The following USP47 variants were observed in gnomAD, a reference collection of about 807,000 sequenced individuals.
USP47 encodes the protein ubiquitin specific peptidase 47, also known as ubiquitin carboxyl-terminal hydrolase 47.
A neutral mutation model predicts 165.1 loss-of-function variants in USP47; 35 were observed. The observed-to-expected ratio is 0.21, with a 90% CI of 0.16 to 0.28. The LOEUF is 0.28. USP47 is among the 10% of genes least tolerant of loss of function. The probability of loss-of-function intolerance (pLI) is 1.00; values close to 1 mark genes in which losing one functional copy is unlikely to be tolerated. For synonymous variants in USP47, 531 were observed against 544.5 expected (o/e 0.98, Z 0.35); for missense variants, 1,277 against 1,607.4 (o/e 0.79, Z 3.52).
chr11:11,883,112 A>G (rs1042956008), intron 2 of USP47, among the ~76,000 whole-genome samples: 8 of 152,130 alleles, frequency 5.3e-5, no homozygotes, highest in Non-Finnish European at 1.2e-4. Flanking sequence ...ACCCCTGTGT[A>G]TTTCAGCTGT....
chr11:11,858,954 G>A (rs73411072), intron 1 of USP47, among the ~76,000 whole-genome samples: 5,358 of 152,230 alleles, frequency 0.035, 305 homozygotes, highest in African/African-American at 0.12. Flanking sequence ...TGGCTGTACC[G>A]TTTGTGCATT....
intron 1 of USP47, among the ~76,000 whole-genome samples, chr11:11,859,333 G>A (rs962250967): frequency 1.3e-5 from 2 of 152,272 alleles, no homozygotes; most frequent in Non-Finnish European, 2.9e-5. Context: ...CTTTGAGAAA[G>A]GGATTTACGT....
At chr11:11,842,545 G>C (rs1265945365) in intron 1 of USP47, among the ~76,000 whole-genome samples, 1 of 152,214 alleles carries the variant, frequency 6.6e-6, no homozygotes, top group African/African-American at 2.4e-5. Flanking sequence ...AGCCGGGAGA[G>C]ATCATTTCAA....
rs537902888 is a variant in USP47, at chr11:11,925,119, T to G, written c.1386+2228T>G. Reference sequence around the variant, plus strand: ...TTTTTGTTTTAGTTTTTGGTTTTTTTTTTTTTGAGACGGAGTCTCGCTCTG... The same window carrying G: ...TTTTTGTTTTAGTTTTTGGTTTTTTGTTTTTTGAGACGGAGTCTCGCTCTG... On this transcript the variant is annotated intron_variant, in intron 11 of 27. Coordinates refer to ENST00000527733, the MANE Select transcript of USP47 (RefSeq NM_001282659.2). Among the ~76,000 whole-genome samples the G allele has an allele frequency of 1.2e-3, 186 of 151,924 alleles. 2 individuals are homozygous for G. The highest frequency in any genetic ancestry group is 2.2e-3 in the Non-Finnish European group (151 of 67,920).
At position 11,950,426 on chromosome 11, in the gene USP47, A is replaced by T; in HGVS notation, c.3527A>T (p.Tyr1176Phe). The change falls in exon 24 of 28, where the codon TAT (tyrosine) becomes TTT (phenylalanine). Residue 1176 changes from tyrosine to phenylalanine, a missense_variant. Transcript: ENST00000527733. ...ACTGTCTTTTTGGATTATCATATTT[A>T]TGAAGAAGATATTAATATTTCCAGC... ...PGTVFLDYHI[Y>F]EEDINISSNW... is the part of the protein sequence containing the mutation. 2.5e-6 allele frequency: 4 copies of T among 1,607,854 alleles called. No individual in the cohort carries two copies. Among genetic ancestry groups the T allele is most frequent in the Non-Finnish European group, 3.4e-6 (4 of 1,178,070 alleles).
Position 11,942,767 on chromosome 11 carries a change from G to A in USP47, c.2746G>A (p.Glu916Lys). 1 of 1,613,568 alleles carries A rather than the reference G, an allele frequency of 6.2e-7. No homozygotes were observed. Among genetic ancestry groups the A allele is most frequent in the Non-Finnish European group, 8.5e-7 (1 of 1,179,714 alleles). Residue 916 changes from glutamate (E) to lysine (K), a missense_variant, in exon 20 of 28, where the codon GAA becomes AAA. Coordinates refer to ENST00000527733, the MANE Select transcript of USP47 (RefSeq NM_001282659.2). ...LEQHIQTSDPENFQSEERSDS... is the reference protein window; with the variant it reads ...LEQHIQTSDPKNFQSEERSDS... Reference sequence around the variant, plus strand: ...ACAGCATATTCAGACTTCTGATCCAGAAAATTTTCAGTCTGAAGAACGATC... The same window carrying A: ...ACAGCATATTCAGACTTCTGATCCAAAAAATTTTCAGTCTGAAGAACGATC...
At chr11:11,893,580 G>T (rs1457143313) in intron 4 of USP47, among the ~76,000 whole-genome samples, 2 of 152,130 alleles carry the variant, frequency 1.3e-5, no homozygotes, top group African/African-American at 2.4e-5. Flanking sequence ...AGGACTACAG[G>T]TGTGCACCAC....
At position 11,960,050 on chromosome 11, in the gene USP47, G is replaced by A. The variant is rs12293870; in HGVS notation, c.*3875G>A. On this transcript the variant is annotated 3_prime_UTR_variant, in exon 28 of 28. Transcript: ENST00000527733. The stretch of plus-strand genomic sequence containing the variant: ...TGTGCCAATTGTTTTGTCAAATGCA[G>A]TTACCCACTGGGCAGTGGGCTTATC... Among the ~76,000 whole-genome samples the A allele has an allele frequency of 0.033, 5,021 of 152,224 alleles. 270 individuals are homozygous for A. The highest frequency in any genetic ancestry group is 0.11 in the African/African-American group (4,739 of 41,502).
intron 11 of USP47, among the ~76,000 whole-genome samples, chr11:11,927,961 A>G (rs1027359772): frequency 1.3e-5 from 2 of 152,072 alleles, no homozygotes; most frequent in Non-Finnish European, 2.9e-5. Flanking sequence ...AAATAGATAT[A>G]TACAATTCTA....
chr11:11,900,452 G>T (rs1034984959), intron 5 of USP47, among the ~76,000 whole-genome samples: 3 of 152,042 alleles, frequency 2.0e-5, no homozygotes, highest in Non-Finnish European at 4.4e-5. Flanking sequence ...GAGCCACCGC[G>T]CCCGGCCTAT....
rs78239946 is a variant in USP47 at position 11,880,551 on chromosome 11, C to A, written c.243+171C>A. 4.5e-3 allele frequency among the ~76,000 whole-genome samples: 683 copies of A among 152,182 alleles called. 5 individuals carry two copies. The highest frequency in any genetic ancestry group is 0.014 in the African/African-American group (587 of 41,528). On this transcript the variant is annotated intron_variant, in intron 2 of 27. Transcript: ENST00000527733. The stretch of plus-strand genomic sequence containing the variant: ...TGGATCCTTCTTCTTCCTTTGCCTC[C>A]ATTCTGGATTTAACATTTGCTCGTC...
chr11:11,857,069 AT>A (rs1386280959), intron 1 of USP47, among the ~76,000 whole-genome samples: 1 of 152,102 alleles, frequency 6.6e-6, no homozygotes, highest in East Asian at 1.9e-4. Context: ...AATAATATTT[AT>A]TTAATAAAAA....
chr11:11,917,896 A>G (rs980402160), intron 8 of USP47, among the ~76,000 whole-genome samples: 2 of 152,164 alleles, frequency 1.3e-5, no homozygotes, highest in African/African-American at 4.8e-5. Flanking sequence ...AAGTTGGTTC[A>G]GAAAGCAAAC....
At chr11:11,885,763 C>T (rs779237923) in intron 3 of USP47, among the ~76,000 whole-genome samples, 2 of 152,202 alleles carry the variant, frequency 1.3e-5, no homozygotes, top group Admixed American at 1.3e-4. Context: ...TTCCACAGCA[C>T]CTCACAAGCT....
Position 11,950,581 on chromosome 11 carries a change from A to C in USP47, c.3583+99A>C, listed in dbSNP as rs1021112555. 3 of 813,370 alleles carry C rather than the reference A, an allele frequency of 3.7e-6. No individual in the cohort carries two copies. In the African/African-American group the frequency reaches 5.3e-5, roughly 14 times the overall value. 50.4% of individuals were successfully genotyped at this position (813,370 alleles called of 1,614,324 possible). A position where few individuals can be genotyped will look rare whatever the true frequency, so the allele number is the denominator to read the frequency against. The stretch of plus-strand genomic sequence containing the variant: ...TCAAATAATGAGTTACGAGGAATCT[A>C]ATATACATTATAGTGTTTTGTGTTA... On this transcript the variant is annotated intron_variant, in intron 24 of 27. Transcript: ENST00000527733.
intron 1 of USP47, among the ~76,000 whole-genome samples, chr11:11,877,801 CTCTCTGTGTGTGTGTGTG>C (rs1181800389): frequency 2.4e-4 from 12 of 50,474 alleles, no homozygotes; most frequent in African/African-American, 6.9e-4. Flanking sequence ...CTCTCTCTCT[CTCTCTGTGTGTGTGTGTG>C]TGTGTGTGTG....
intron 1 of USP47, among the ~76,000 whole-genome samples, chr11:11,844,874 A>T (rs879844181): frequency 6.6e-6 from 1 of 152,146 alleles, no homozygotes; most frequent in Non-Finnish European, 1.5e-5. Context: ...TCAAGGACAA[A>T]TGTACCTTTA....
rs373857805 is a variant in USP47 at position 11,943,030 on chromosome 11, C to G, written c.3009C>G (p.Gly1003=). 1.2e-6 allele frequency: 2 copies of G among 1,613,368 alleles called. No homozygotes were observed. The highest frequency in any genetic ancestry group is 1.7e-6 in the Non-Finnish European group (2 of 1,179,586). Residue 1003 remains glycine (G), a synonymous_variant, in exon 20 of 28, where the codon GGC becomes GGG. Coordinates refer to ENST00000527733, the MANE Select transcript of USP47 (RefSeq NM_001282659.2). ...CTGATAGTGAATATGATGAGAGTGG[C>G]AAGAGTAGGGGAGAAATGCAGTACA... is the stretch of plus-strand genomic sequence containing the variant. ...SGTDSEYDES[G]KSRGEMQYMY...
intron 1 of USP47, among the ~76,000 whole-genome samples, chr11:11,846,861 AT>A (rs1271512586): frequency 1.3e-5 from 2 of 152,022 alleles, no homozygotes; most frequent in African/African-American, 4.8e-5. Context: ...GTCATTCTTG[AT>A]TTTAGTGATT....
Sources: gnomAD v4.1 joint callset for allele counts (sites outside exome capture counted in the v4.1 genomes callset) on GRCh38, gnomAD v4.1.1 for gene constraint, MANE v1.5 for transcripts, NCBI Gene and HGNC (gene_info 2026-07-23, HGNC 2026-07-21) for gene names.